The following SDHA variants were observed in gnomAD, a reference collection of about 807,000 sequenced individuals.
The protein encoded by SDHA is succinate dehydrogenase [ubiquinone] flavoprotein subunit, mitochondrial.
A neutral mutation model predicts 78.4 loss-of-function variants in SDHA; 48 were observed. That is an observed-to-expected ratio of 0.61 (90% CI 0.49 to 0.78). The LOEUF is 0.78. Among genes scored for constraint, SDHA ranks in the 30% least tolerant of loss-of-function variants. The pLI is 0.00. For synonymous variants in SDHA, 326 were observed against 353.9 expected, an observed-to-expected ratio of 0.92 and a Z score of 0.88; for missense variants, 680 against 892.7, an observed-to-expected ratio of 0.76 and a Z score of 3.04.
At chr5:228,496 A>T (rs186298058) in intron 6 of SDHA, among the ~76,000 whole-genome samples, 163 bp downstream of exon 6, 74 of 152,292 alleles carry the variant, frequency 4.9e-4, no homozygotes, top group African/African-American at 1.7e-3. Flanking sequence ...GTGGTTCCTC[A>T]CCTGTAAAGG....
chr5:251,577 A>C, intron 13 of SDHA, 109 bp downstream of exon 13: 1 of 1,565,410 alleles, frequency 6.4e-7, no homozygotes, highest in Non-Finnish European at 8.6e-7. Flanking sequence ...CCCAAAAGTA[A>C]ATCCAAAAAA....
At chr5:219,679 C>T (rs1734604003) in intron 1 of SDHA, among the ~76,000 whole-genome samples, 1 of 152,090 alleles carries the variant, frequency 6.6e-6, no homozygotes. Flanking sequence ...GCTAGGAGGG[C>T]GTCCACAAGC....
rs535357536 is a variant in SDHA, at chr5:218,773, C to A, written c.63+355C>A. On this transcript the variant is annotated intron_variant, in intron 1 of 14. Transcript: ENST00000264932. ...CTGGCAGGTGGACTCGGGGAGGAGT[C>A]GTGTCTGCCCAAGGTCACCCGGGCG... is the stretch of plus-strand genomic sequence containing the variant. 3.5e-3 allele frequency among the ~76,000 whole-genome samples: 535 copies of A among 152,324 alleles called. 3 individuals carry two copies. Among genetic ancestry groups the A allele is most frequent in the Non-Finnish European group, 5.2e-3 (354 of 68,014 alleles).
In SDHA at chr5:232,956, C is replaced by T. The variant is rs904830065; in HGVS notation, c.896-521C>T. Among the ~76,000 whole-genome samples the T allele has an allele frequency of 3.9e-5, 6 of 152,274 alleles. No homozygotes were observed. The South Asian group carries it at 1.0e-3, about 26-fold the overall frequency. ...TTTGCTTGTCACTGAGAAAGGGGGT[C>T]GTACTACCCAGAGTTGTTGTAAGAC... is the stretch of plus-strand genomic sequence containing the variant. On this transcript the variant is annotated intron_variant, in intron 7 of 14. Transcript: ENST00000264932.
At chr5:225,606 G>A (rs1160307336) in intron 4 of SDHA, 44 bp downstream of exon 4, 4 of 1,613,404 alleles carry the variant, frequency 2.5e-6, no homozygotes, top group Admixed American at 3.3e-5. Context: ...TCTGTTTCTA[G>A]TACAAAAGAA....
chr5:264,099 T>C, the SDHA span, among the ~76,000 whole-genome samples: 1 of 152,258 alleles, frequency 6.6e-6, no homozygotes, highest in Non-Finnish European at 1.5e-5. Context: ...AATATATATT[T>C]GCTTTTTCTT....
chr5:235,616 C>G, intron 9 of SDHA: 2 of 477,884 alleles, frequency 4.2e-6, no homozygotes, highest in Non-Finnish European at 7.7e-6. Context: ...TTCTAATGAT[C>G]TTACACATCA....
the SDHA span, among the ~76,000 whole-genome samples, chr5:263,377 T>C: frequency 2.6e-5 from 4 of 152,174 alleles, no homozygotes; most frequent in Admixed American, 1.3e-4. Context: ...GCCTCAGCAC[T>C]AGGAAGGAGC....
In SDHA at chr5:256,491, T is replaced by C; in HGVS notation, c.*71T>C. On this transcript the variant is annotated 3_prime_UTR_variant, in exon 15 of 15. Transcript: ENST00000264932. ...ATAATAGCTCATGCATGTGTCCATG[T>C]CATAACTGTCTTCATACGCTTCTGC... The C allele has an allele frequency of 7.7e-7, 1 of 1,298,570 alleles. No individual in the cohort carries two copies. Among genetic ancestry groups the C allele is most frequent in the Non-Finnish European group, 1.1e-6 (1 of 893,964 alleles). The allele number at this position is 1,298,570 out of a possible 1,614,324, so 80.4% of individuals were successfully genotyped here. A position where few individuals can be genotyped will look rare whatever the true frequency, so the allele number is the denominator to read the frequency against.
the SDHA span, among the ~76,000 whole-genome samples, chr5:265,316 T>C: frequency 1.3e-5 from 2 of 152,246 alleles, no homozygotes; most frequent in African/African-American, 4.8e-5. Flanking sequence ...ACACATTTCC[T>C]AGCTCTGCCC....
Position 224,458 on chromosome 5 carries a change from A to C in SDHA, c.249A>C (p.Ala83=). The C allele has an allele frequency of 6.2e-7, 1 of 1,613,592 alleles. No individual in the cohort carries two copies. Among genetic ancestry groups the C allele is most frequent in the Non-Finnish European group, 8.5e-7 (1 of 1,179,868 alleles). ...GLRAAFGLSE[A]GFNTACVTKL... ...GAGCTGCATTTGGCCTTTCTGAGGC[A>C]GGGTTTAATACAGCATGTGTTACCA... The change falls in exon 3 of 15, where the codon GCA becomes GCC. Residue 83 remains alanine (A), a synonymous_variant. Coordinates refer to ENST00000264932, the MANE Select transcript of SDHA (RefSeq NM_004168.4).
intron 7 of SDHA, 132 bp from the exon 8 acceptor site, chr5:233,345 G>C: frequency 2.2e-6 from 2 of 891,584 alleles, no homozygotes; most frequent in Non-Finnish European, 1.8e-6. Context: ...CTGTCTTGCT[G>C]TGCAGTTTTG....
the SDHA span, among the ~76,000 whole-genome samples, chr5:262,798 G>T: frequency 7.2e-5 from 11 of 152,200 alleles, no homozygotes; most frequent in Non-Finnish European, 2.9e-5. Context: ...TATTAGGTTG[G>T]TGCAAAAGTA....
chr5:244,030 A>G (rs1229022270), intron 11 of SDHA, among the ~76,000 whole-genome samples: 1 of 152,118 alleles, frequency 6.6e-6, no homozygotes. Context: ...AAAAAGGAAA[A>G]CTTTGGGCTA....
At chr5:263,614 T>TA in the SDHA span, among the ~76,000 whole-genome samples, 14 of 152,116 alleles carry the variant, frequency 9.2e-5, no homozygotes, top group Non-Finnish European at 1.9e-4. Context: ...CATTACACCA[T>TA]AAAAAAGCTG....
chr5:221,885 GCT>G (rs1734735170), intron 1 of SDHA, among the ~76,000 whole-genome samples: 2 of 152,066 alleles, frequency 1.3e-5, no homozygotes, highest in African/African-American at 2.4e-5. Flanking sequence ...TTTTAAGCCA[GCT>G]CTGTGTGTGT....
At chr5:268,132 C>T in the SDHA span, among the ~76,000 whole-genome samples, 1 of 151,896 alleles carries the variant, frequency 6.6e-6, no homozygotes, top group Non-Finnish European at 1.5e-5. Flanking sequence ...ATCTCTTGTT[C>T]TAGACTCATC....
chr5:240,854 GTT>G (rs2126604295), intron 11 of SDHA, among the ~76,000 whole-genome samples: 1 of 152,248 alleles, frequency 6.6e-6, no homozygotes, highest in African/African-American at 2.4e-5. Flanking sequence ...ACATGATTGC[GTT>G]CTTTTTTTAT....
At chr5:231,756 A>C (rs1310760128) in intron 7 of SDHA, among the ~76,000 whole-genome samples, 1 of 151,526 alleles carries the variant, frequency 6.6e-6, no homozygotes, top group African/African-American at 2.4e-5. Flanking sequence ...GAAGCAGCAC[A>C]GGCAGACTTC....
Sources: gnomAD v4.1 joint callset for allele counts (sites outside exome capture counted in the v4.1 genomes callset) on GRCh38, gnomAD v4.1.1 for gene constraint, MANE v1.5 for transcripts, NCBI Gene and HGNC (gene_info 2026-07-23, HGNC 2026-07-21) for gene names.